COL4A5: variants seen among roughly 807,000 people sequenced by gnomAD.
COL4A5 encodes collagen type IV alpha 5 chain.
In COL4A5, 26 loss-of-function variants were observed where a neutral mutation model predicts 130.2. That is an observed-to-expected ratio of 0.20 (90% CI 0.15 to 0.28). COL4A5 has a LOEUF of 0.28. COL4A5 is among the 10% of genes least tolerant of loss of function. COL4A5 has a pLI of 1.00. For synonymous variants in COL4A5, 496 were observed against 439.6 expected (o/e 1.13, Z -1.60); for missense variants, 1,131 against 1,344.3 (o/e 0.84, Z 2.48).
intron 15 of COL4A5, 45 bp from the exon 16 acceptor site, chrX:108,580,938 T>C (rs766885676): frequency 9.5e-6 from 11 of 1,152,900 alleles, no homozygotes; most frequent in Middle Eastern, 4.7e-4. Flanking sequence ...GCTTCCTAAC[T>C]AACAAATGTA....
chrX:108,522,298 T>A (rs1230412969), intron 1 of COL4A5, among the ~76,000 whole-genome samples: 3 of 109,124 alleles, frequency 2.7e-5, no homozygotes, highest in African/African-American at 1.0e-4. Flanking sequence ...TGCATAGACA[T>A]GTTTCTGTTT....
intron 1 of COL4A5, among the ~76,000 whole-genome samples, chrX:108,456,464 C>G (rs753109687): frequency 5.4e-5 from 6 of 111,633 alleles, no homozygotes; most frequent in Admixed American, 9.5e-5. Context: ...GTAGTCGTGT[C>G]CATTTCTTTG....
chrX:108,630,469 G>T (rs1292079343), intron 36 of COL4A5, among the ~76,000 whole-genome samples: 5 of 112,067 alleles, frequency 4.5e-5, no homozygotes, highest in Non-Finnish European at 9.4e-5. Context: ...AGAAGTGTCT[G>T]TTCATATCCT....
chrX:108,597,656 C>A (rs190775521), intron 24 of COL4A5, 88 bp downstream of exon 24: 661 of 810,254 alleles, frequency 8.2e-4, no homozygotes, highest in Non-Finnish European at 1.1e-3. Flanking sequence ...GGGACTGATG[C>A]TGAGATAAAC....
At position 108,571,817 on chromosome X, in the gene COL4A5, C is replaced by G. The variant is rs1473454947; in HGVS notation, c.445C>G (p.Pro149Ala). The change falls in exon 8 of 53, where the codon CCT becomes GCT. Residue 149 changes from proline (P) to alanine (A), a missense_variant. Pro to Ala is a conservative substitution (Grantham distance 27). Coordinates refer to ENST00000328300, the MANE Select transcript of COL4A5 (RefSeq NM_033380.3). ...CTTTTCTTTTTAATAATAGGGACCC[C>G]CTGGGATCCCAGGTATGAAGGTAAG... ...FPGLQGPPGP[P>A]GIPGMKGEPG... 6 of 1,183,858 alleles carry G rather than the reference C, an allele frequency of 5.1e-6. No homozygotes were observed.
At chrX:108,594,722 A>G (rs2066486318) in intron 21 of COL4A5, among the ~76,000 whole-genome samples, 2 of 108,980 alleles carry the variant, frequency 1.8e-5, no homozygotes, top group Admixed American at 2.0e-4. Context: ...TCATATAACA[A>G]CTTCTCAATC....
At chrX:108,622,956 CAA>C (rs925453590) in intron 33 of COL4A5, 131 bp downstream of exon 33, 8 of 591,499 alleles carry the variant, frequency 1.4e-5, no homozygotes, top group Non-Finnish European at 2.1e-5. Context: ...ATTTTGGTAA[CAA>C]ATATTAATTT....
intron 6 of COL4A5, among the ~76,000 whole-genome samples, chrX:108,570,920 A>G (rs960667475): frequency 1.6e-4 from 18 of 112,232 alleles, no homozygotes; most frequent in African/African-American, 4.8e-4. Flanking sequence ...AGAAAACATA[A>G]TGACCTGCAA....
chrX:108,663,547 A>T (rs913258095), intron 37 of COL4A5, among the ~76,000 whole-genome samples: 2 of 111,046 alleles, frequency 1.8e-5, no homozygotes, highest in Non-Finnish European at 1.9e-5. Flanking sequence ...TGGACACAGG[A>T]AGGGGAACAA....
At chrX:108,511,033 A>G (rs1403078312) in intron 1 of COL4A5, among the ~76,000 whole-genome samples, 1 of 111,463 alleles carries the variant, frequency 9.0e-6, no homozygotes, top group Non-Finnish European at 1.9e-5. Flanking sequence ...ATTATTGTTC[A>G]AAACTACAAA....
At chrX:108,666,227 T>C (rs1398780307) in intron 38 of COL4A5, among the ~76,000 whole-genome samples, 2 of 111,586 alleles carry the variant, frequency 1.8e-5, no homozygotes, top group Admixed American at 9.5e-5. Context: ...TGGCCCCATA[T>C]GAGGCCTATA....
intron 36 of COL4A5, among the ~76,000 whole-genome samples, chrX:108,636,454 A>T (rs1254297444): frequency 9.0e-6 from 1 of 111,095 alleles, no homozygotes; most frequent in Non-Finnish European, 1.9e-5. Flanking sequence ...ATGGGGCTTT[A>T]TTAAAATTTA....
intron 1 of COL4A5, among the ~76,000 whole-genome samples, chrX:108,496,347 A>T (rs773475940): frequency 9.0e-6 from 1 of 111,579 alleles, no homozygotes; most frequent in East Asian, 2.8e-4. Context: ...GTCTTGTTTC[A>T]TTTGCAAACA....
intron 13 of COL4A5, among the ~76,000 whole-genome samples, chrX:108,578,645 A>AT (rs1032755516): frequency 1.5e-4 from 16 of 106,752 alleles, no homozygotes; most frequent in South Asian, 8.0e-4. Context: ...ATATAAGGGT[A>AT]TTTTTTTTTA....
intron 1 of COL4A5, among the ~76,000 whole-genome samples, chrX:108,513,311 G>A (rs1404913964): frequency 9.0e-6 from 1 of 110,927 alleles, no homozygotes; most frequent in African/African-American, 3.3e-5. Context: ...AAAAAAAATT[G>A]CCTCAGTTTT....
At chrX:108,584,768 T>G (rs898541140) in intron 18 of COL4A5, among the ~76,000 whole-genome samples, 2 of 109,839 alleles carry the variant, frequency 1.8e-5, no homozygotes, top group Non-Finnish European at 3.8e-5. Context: ...GGCATTGGGT[T>G]GTTTTGCCTC....
intron 36 of COL4A5, among the ~76,000 whole-genome samples, chrX:108,636,939 C>CTTTTTT (rs59497827): frequency 6.5e-5 from 5 of 76,422 alleles, no homozygotes; most frequent in East Asian, 8.2e-4. Context: ...AATGTAATGT[C>CTTTTTT]TTTTTTTTTT....
intron 1 of COL4A5, among the ~76,000 whole-genome samples, chrX:108,514,751 G>C (rs766361191): frequency 2.7e-5 from 3 of 111,937 alleles, no homozygotes; most frequent in East Asian, 5.6e-4. Flanking sequence ...ATGTGTATAA[G>C]ATCACCGCAG....
chrX:108,478,910 G>A (rs1341049560), intron 1 of COL4A5, among the ~76,000 whole-genome samples: 4 of 112,068 alleles, frequency 3.6e-5, no homozygotes, highest in African/African-American at 1.3e-4. Flanking sequence ...TAGCTGGCTG[G>A]TCACCCCGAG....
Sources: allele counts gnomAD v4.1 joint callset (sites outside exome capture counted in the v4.1 genomes callset), GRCh38; gene constraint gnomAD v4.1.1; transcripts MANE v1.5; gene names NCBI Gene and HGNC (gene_info 2026-07-23, HGNC 2026-07-21).